TNNI3K: variants seen among roughly 807,000 people sequenced by gnomAD.
The protein encoded by TNNI3K is TNNI3 interacting kinase.
In TNNI3K, 140 loss-of-function variants were observed where a neutral mutation model predicts 114.5. That is an observed-to-expected ratio of 1.22 (90% CI 1.07 to 1.41). TNNI3K has a LOEUF of 1.41. Ranked by LOEUF, TNNI3K falls within the 40% of genes most tolerant of loss-of-function variation. The probability of loss-of-function intolerance (pLI) is 0.00; values close to 1 mark genes in which losing one functional copy is unlikely to be tolerated. For missense variants in TNNI3K, 1,125 were observed against 1,007.6 expected, an observed-to-expected ratio of 1.12 and a Z score of -1.58; for synonymous variants, 347 against 347.5, an observed-to-expected ratio of 1.00 and a Z score of 0.02.
intron 20 of TNNI3K, among the ~76,000 whole-genome samples, chr1:74,446,419 C>T (rs1021609964): frequency 1.0e-3 from 152 of 150,770 alleles, no homozygotes; most frequent in African/African-American, 3.5e-3. Context: ...TGTTTGAATT[C>T]ATTGTAGATT....
intron 17 of TNNI3K, among the ~76,000 whole-genome samples, chr1:74,425,914 T>C (rs1033574892): frequency 6.6e-6 from 1 of 151,998 alleles, no homozygotes; most frequent in African/African-American, 2.4e-5. Context: ...TGACTAATAC[T>C]TCTAGCTCAC....
At chr1:74,528,067 G>T (rs61778071) in intron 23 of TNNI3K, among the ~76,000 whole-genome samples, 14,873 of 152,248 alleles carry the variant, frequency 0.098, 943 homozygotes, top group Non-Finnish European at 0.14. Context: ...AGCCCAGGAA[G>T]AACGTTATGT....
At chr1:74,485,921 A>G (rs981015389) in intron 21 of TNNI3K, among the ~76,000 whole-genome samples, 1 of 152,182 alleles carries the variant, frequency 6.6e-6, no homozygotes, top group African/African-American at 2.4e-5. Flanking sequence ...TGAGCCTCAG[A>G]TGAGAATCAC....
chr1:74,436,153 A>G, intron 18 of TNNI3K, 21 bp downstream of exon 18: 2 of 1,609,548 alleles, frequency 1.2e-6, no homozygotes, highest in African/African-American at 1.4e-5. Context: ...CCAAAATGGC[A>G]TCCTTTTTTT....
intron 7 of TNNI3K, among the ~76,000 whole-genome samples, chr1:74,336,757 A>G (rs992571465): frequency 7.8e-4 from 117 of 150,942 alleles, no homozygotes; most frequent in African/African-American, 2.7e-3. Flanking sequence ...TCATTGTTGG[A>G]CATTTGGGTT....
chr1:74,236,272 A>G lies in TNNI3K; in HGVS notation c.149+62A>G, dbSNP rs565283548. ...GTCTTCAGTATTCACCTTATTTTTTAAAGTATCTGTATATTTTTTAAACCC... is the reference window on the plus strand; with the variant it reads ...GTCTTCAGTATTCACCTTATTTTTTGAAGTATCTGTATATTTTTTAAACCC... On this transcript the variant is annotated intron_variant, in intron 2 of 24. Transcript: ENST00000326637. The G allele has an allele frequency of 1.6e-5, 23 of 1,420,436 alleles. No homozygotes were observed. The South Asian group carries it at 2.4e-4, about 15-fold the overall frequency. 88.0% of individuals were successfully genotyped at this position (1,420,436 alleles called of 1,614,324 possible).
intron 19 of TNNI3K, among the ~76,000 whole-genome samples, chr1:74,437,230 T>C (rs1183870315): frequency 6.6e-6 from 1 of 152,084 alleles, no homozygotes; most frequent in African/African-American, 2.4e-5. Context: ...CTTAAACCTC[T>C]CACTTCCTGC....
chr1:74,525,800 G>A (rs1033517991), intron 23 of TNNI3K, among the ~76,000 whole-genome samples: 1 of 152,186 alleles, frequency 6.6e-6, no homozygotes. Flanking sequence ...GGCCCAGCAG[G>A]AAATGTCAAA....
intron 5 of TNNI3K, among the ~76,000 whole-genome samples, chr1:74,309,951 G>A (rs944762817): frequency 1.3e-5 from 2 of 151,926 alleles, no homozygotes; most frequent in African/African-American, 4.9e-5. Flanking sequence ...ACTGGAAGTT[G>A]TAGACAGAGC....
chr1:74,499,787 C>T (rs1669515893), intron 23 of TNNI3K, among the ~76,000 whole-genome samples: 1 of 152,044 alleles, frequency 6.6e-6, no homozygotes, highest in Non-Finnish European at 1.5e-5. Flanking sequence ...GAATGTAGTA[C>T]ATTTTTGCAT....
chr1:74,271,255 G>C (rs1002290859), intron 4 of TNNI3K, among the ~76,000 whole-genome samples: 3 of 151,740 alleles, frequency 2.0e-5, no homozygotes, highest in South Asian at 2.1e-4. Flanking sequence ...GACCTCACTG[G>C]GAGTTAATTC....
intron 4 of TNNI3K, among the ~76,000 whole-genome samples, chr1:74,262,585 T>G (rs1277744676): frequency 6.6e-6 from 1 of 152,090 alleles, no homozygotes; most frequent in Non-Finnish European, 1.5e-5. Context: ...TTTTGCATAT[T>G]TAACTAAATT....
intron 17 of TNNI3K, among the ~76,000 whole-genome samples, chr1:74,390,770 A>G (rs1331620048): frequency 6.6e-6 from 1 of 152,124 alleles, no homozygotes; most frequent in African/African-American, 2.4e-5. Context: ...AGAGTAAGTT[A>G]TTAGGAATAG....
chr1:74,511,954 A>G (rs1187287598), intron 23 of TNNI3K, among the ~76,000 whole-genome samples: 2 of 152,214 alleles, frequency 1.3e-5, no homozygotes, highest in South Asian at 2.1e-4. Context: ...AGTCAATAGA[A>G]GTAGAAATAA....
At chr1:74,314,440 T>C (rs1000827276) in intron 5 of TNNI3K, among the ~76,000 whole-genome samples, 5 of 152,114 alleles carry the variant, frequency 3.3e-5, no homozygotes, top group Admixed American at 6.5e-5. Context: ...ATTTGCATAT[T>C]ATTGATCTGC....
At chr1:74,380,725 GAGGCACTGTGA>G (rs1663160032) in intron 17 of TNNI3K, among the ~76,000 whole-genome samples, 1 of 152,060 alleles carries the variant, frequency 6.6e-6, no homozygotes, top group Non-Finnish European at 1.5e-5. Flanking sequence ...CATTTCTTGG[GAGGCACTGTGA>G]ATGCCCTCTT....
intron 4 of TNNI3K, among the ~76,000 whole-genome samples, chr1:74,257,426 C>G (rs1376441504): frequency 6.6e-6 from 1 of 152,028 alleles, no homozygotes; most frequent in Admixed American, 6.6e-5. Context: ...TTTTCTGTTT[C>G]TTCATATATC....
chr1:74,423,579 A>T (rs910658828), intron 17 of TNNI3K, among the ~76,000 whole-genome samples: 2 of 152,174 alleles, frequency 1.3e-5, no homozygotes, highest in Non-Finnish European at 1.5e-5. Context: ...TAATATTACC[A>T]TATAAGGTTA....
chr1:74,464,963 T>C (rs1667605059), intron 21 of TNNI3K: 1 of 1,222,474 alleles, frequency 8.2e-7, no homozygotes, highest in African/African-American at 1.6e-5. Context: ...ATCTGAATTT[T>C]GATGTCCAGA....
Sources: gnomAD v4.1 joint callset for allele counts (sites outside exome capture counted in the v4.1 genomes callset) on GRCh38, gnomAD v4.1.1 for gene constraint, MANE v1.5 for transcripts, NCBI Gene and HGNC (gene_info 2026-07-23, HGNC 2026-07-21) for gene names.